TMPRSS11A: variants seen among roughly 807,000 people sequenced by gnomAD.
TMPRSS11A encodes transmembrane protease serine 11A.
In TMPRSS11A, 53 loss-of-function variants were observed where a neutral mutation model predicts 58.9. The observed-to-expected ratio is 0.90, with a 90% CI of 0.72 to 1.13. TMPRSS11A has a LOEUF of 1.13. Among genes scored for constraint, TMPRSS11A ranks in the 50% most tolerant of loss-of-function variants. TMPRSS11A has a pLI of 0.00. For missense variants in TMPRSS11A, 493 were observed against 499.3 expected, an observed-to-expected ratio of 0.99 and a Z score of 0.12; for synonymous variants, 167 against 169.8, an observed-to-expected ratio of 0.98 and a Z score of 0.13.
At chr4:67,942,105 A>G (rs957341004) in intron 3 of TMPRSS11A, among the ~76,000 whole-genome samples, 1 of 152,252 alleles carries the variant, frequency 6.6e-6, no homozygotes, top group Non-Finnish European at 1.5e-5. Flanking sequence ...CAAAAAGTTA[A>G]TAATTATACG....
At chr4:67,911,885 A>G (rs1577848123) in intron 9 of TMPRSS11A, among the ~76,000 whole-genome samples, 1 of 152,102 alleles carries the variant, frequency 6.6e-6, no homozygotes, top group Non-Finnish European at 1.5e-5. Flanking sequence ...AATATGCTCA[A>G]ATTACAGCTT....
chr4:67,945,299 T>TA (rs780272024), intron 2 of TMPRSS11A, among the ~76,000 whole-genome samples: 21 of 152,000 alleles, frequency 1.4e-4, no homozygotes, highest in Non-Finnish European at 2.9e-4. Flanking sequence ...GTAAGAAAGA[T>TA]ACAGAGTTAA....
At chr4:67,949,711 T>C (rs1302705948) in intron 1 of TMPRSS11A, among the ~76,000 whole-genome samples, 1 of 151,956 alleles carries the variant, frequency 6.6e-6, no homozygotes, top group African/African-American at 2.4e-5. Context: ...ATGCAAAAAT[T>C]AATTGGGTGT....
intron 3 of TMPRSS11A, 127 bp downstream of exon 3, chr4:67,944,392 C>T: frequency 2.7e-6 from 3 of 1,119,706 alleles, no homozygotes; most frequent in Non-Finnish European, 3.9e-6. Context: ...GGGATGGGGC[C>T]TAGCAATCTG....
chr4:67,957,662 A>G (rs922319621), intron 1 of TMPRSS11A, among the ~76,000 whole-genome samples: 1 of 152,188 alleles, frequency 6.6e-6, no homozygotes, highest in African/African-American at 2.4e-5. Flanking sequence ...TGACAATGCG[A>G]TAAAACAGAA....
At chr4:67,920,559 A>G (rs913735321) in intron 7 of TMPRSS11A, among the ~76,000 whole-genome samples, 1 of 130,026 alleles carries the variant, frequency 7.7e-6, no homozygotes, top group African/African-American at 2.8e-5. Flanking sequence ...ATTTTTTTTT[A>G]TATATACACA....
chr4:67,949,959 G>A (rs1721121042), intron 1 of TMPRSS11A, among the ~76,000 whole-genome samples: 1 of 152,108 alleles, frequency 6.6e-6, no homozygotes, highest in Non-Finnish European at 1.5e-5. Flanking sequence ...AAATCCTTTT[G>A]GGATCTAACC....
At chr4:67,947,313 C>T (rs1721043208) in intron 1 of TMPRSS11A, among the ~76,000 whole-genome samples, 1 of 152,158 alleles carries the variant, frequency 6.6e-6, no homozygotes, top group Admixed American at 6.5e-5. Context: ...TTGTAAAAGC[C>T]AAGACATAAT....
intron 1 of TMPRSS11A, among the ~76,000 whole-genome samples, chr4:67,950,655 T>C (rs1228111105): frequency 6.6e-6 from 1 of 152,126 alleles, no homozygotes; most frequent in African/African-American, 2.4e-5. Flanking sequence ...TAACTGAAAA[T>C]ATGCCTTTCA....
intron 2 of TMPRSS11A, 99 bp downstream of exon 2, chr4:67,946,351 A>C: frequency 7.9e-7 from 1 of 1,266,774 alleles, no homozygotes; most frequent in Non-Finnish European, 1.1e-6. Flanking sequence ...TTTGAAGGTA[A>C]ATGTGCAATT....
chr4:67,920,547 A>ATTTTT (rs1252687414), intron 7 of TMPRSS11A, among the ~76,000 whole-genome samples: 1 of 80,122 alleles, frequency 1.2e-5, no homozygotes, highest in Non-Finnish European at 2.5e-5. Flanking sequence ...ATATATATAT[A>ATTTTT]TATTTTTTTT....
chr4:67,935,501 G>A (rs539719746), intron 3 of TMPRSS11A, among the ~76,000 whole-genome samples: 1 of 151,928 alleles, frequency 6.6e-6, no homozygotes, highest in Non-Finnish European at 1.5e-5. Flanking sequence ...ATTCTTTAAT[G>A]TAAACATATA....
chr4:67,955,791 G>A (rs1244195955), intron 1 of TMPRSS11A, among the ~76,000 whole-genome samples: 4 of 152,096 alleles, frequency 2.6e-5, no homozygotes, highest in Non-Finnish European at 4.4e-5. Flanking sequence ...GCAATTCATG[G>A]TACAATCTTT....
At chr4:67,934,067 G>T (rs949253414) in intron 3 of TMPRSS11A, among the ~76,000 whole-genome samples, 19 of 152,092 alleles carry the variant, frequency 1.2e-4, no homozygotes, top group Admixed American at 5.2e-4. Context: ...AACATGAGAA[G>T]AATCTAGGCA....
At chr4:67,921,455 T>A (rs1409719525) in intron 7 of TMPRSS11A, among the ~76,000 whole-genome samples, 3 of 152,096 alleles carry the variant, frequency 2.0e-5, no homozygotes, top group South Asian at 2.1e-4. Flanking sequence ...TGCGTTAGCC[T>A]CCCAAGTAGC....
chr4:67,924,281 T>C (rs1339037081), intron 5 of TMPRSS11A, 115 bp from the exon 6 acceptor site: 11 of 861,860 alleles, frequency 1.3e-5, no homozygotes, highest in Non-Finnish European at 2.1e-5. Context: ...GTTGAACATA[T>C]AGATTAATTA....
At chr4:67,948,254 G>C (rs1480317857) in intron 1 of TMPRSS11A, among the ~76,000 whole-genome samples, 1 of 146,328 alleles carries the variant, frequency 6.8e-6, no homozygotes, top group African/African-American at 2.5e-5. Flanking sequence ...TGCCTCCCAG[G>C]TTCACGCCAT....
At chr4:67,944,761 A>T (rs1720962468) in intron 2 of TMPRSS11A, 124 bp from the exon 3 acceptor site, 1 of 729,368 alleles carries the variant, frequency 1.4e-6, no homozygotes, top group Non-Finnish European at 2.2e-6. Context: ...AGTTTTATTT[A>T]AAAAATAACA....
At chr4:67,943,762 A>G (rs966663707) in intron 3 of TMPRSS11A, among the ~76,000 whole-genome samples, 1 of 152,228 alleles carries the variant, frequency 6.6e-6, no homozygotes, top group African/African-American at 2.4e-5. Flanking sequence ...ATGGACAAAG[A>G]GCAAATGATG....
Sources: gnomAD v4.1 joint callset for allele counts (sites outside exome capture counted in the v4.1 genomes callset) on GRCh38, gnomAD v4.1.1 for gene constraint, MANE v1.5 for transcripts, NCBI Gene and HGNC (gene_info 2026-07-23, HGNC 2026-07-21) for gene names.